Variants in ETV6 observed in about 807,000 individuals in gnomAD.
The protein encoded by ETV6 is transcription factor ETV6.
Under a neutral mutation model 51.1 loss-of-function variants are expected in ETV6, and 16 were observed. The observed-to-expected ratio is 0.31, with a 90% CI of 0.21 to 0.48. ETV6 has a LOEUF of 0.48. ETV6 is among the 20% of genes least tolerant of loss of function. ETV6 has a pLI of 0.99. For synonymous variants in ETV6, 240 were observed against 224.1 expected (o/e 1.07, Z -0.64); for missense variants, 458 against 594.8 (o/e 0.77, Z 2.39).
intron 2 of ETV6, among the ~76,000 whole-genome samples, chr12:11,754,582 C>T (rs1279306279): frequency 6.6e-6 from 1 of 152,202 alleles, no homozygotes; most frequent in Non-Finnish European, 1.5e-5. Flanking sequence ...TAACTCAGTT[C>T]TCCTAGCATA....
chr12:11,743,335 C>G (rs1217914695), intron 1 of ETV6, among the ~76,000 whole-genome samples: 1 of 152,188 alleles, frequency 6.6e-6, no homozygotes, highest in African/African-American at 2.4e-5. Context: ...ATTCATGAGG[C>G]TTTTCCTATT....
chr12:11,888,401 T>TTCTTTTC (rs1297824925), intron 7 of ETV6, among the ~76,000 whole-genome samples: 3 of 142,758 alleles, frequency 2.1e-5, no homozygotes, highest in Non-Finnish European at 3.1e-5. Flanking sequence ...TTCTTTTCTT[T>TTCTTTTC]TTTTTTTTTT....
intron 2 of ETV6, among the ~76,000 whole-genome samples, chr12:11,767,223 TCA>T (rs1945174618): frequency 6.6e-6 from 1 of 152,228 alleles, no homozygotes; most frequent in Admixed American, 6.5e-5. Context: ...CCTCCCAGCC[TCA>T]GTTTCCTTAT....
chr12:11,700,772 T>C (rs2954982), intron 1 of ETV6, among the ~76,000 whole-genome samples: 6 of 152,208 alleles, frequency 3.9e-5, no homozygotes, highest in African/African-American at 1.2e-4. Context: ...GGGCTTGGTC[T>C]TGCTGTCTCA....
chr12:11,693,204 C>T (rs371143137), intron 1 of ETV6, among the ~76,000 whole-genome samples: 1 of 152,010 alleles, frequency 6.6e-6, no homozygotes, highest in Non-Finnish European at 1.5e-5. Flanking sequence ...GCACATGGGG[C>T]GGACGATTTC....
rs1565573515 is a variant in ETV6, at chr12:11,893,837, TATATAC to T, written c.*2793_*2798del. On this transcript the variant is annotated 3_prime_UTR_variant, in exon 8 of 8. Transcript: ENST00000396373. ...ATATATATATATATATATATATATA[TATATAC>T]ACACACACACACATACACAAATATT... The T allele has an allele frequency of 0.012, 605 of 48,548 alleles. 30 individuals carry two copies. Among genetic ancestry groups the T allele is most frequent in the South Asian group, 0.018 (30 of 1,696 alleles). The allele number at this position is 48,548 out of a possible 1,614,324, so 3.0% of individuals were successfully genotyped here. A position where few individuals can be genotyped will look rare whatever the true frequency, so the allele number is the denominator to read the frequency against.
chr12:11,884,778 T>G (rs1443547944), intron 6 of ETV6, among the ~76,000 whole-genome samples, 191 bp downstream of exon 6: 1 of 152,216 alleles, frequency 6.6e-6, no homozygotes, highest in Non-Finnish European at 1.5e-5. Flanking sequence ...TGCCATTTGT[T>G]CCTGAGACCA....
At chr12:11,808,500 A>T (rs955995539) in intron 2 of ETV6, among the ~76,000 whole-genome samples, 2 of 152,166 alleles carry the variant, frequency 1.3e-5, no homozygotes, top group Non-Finnish European at 2.9e-5. Flanking sequence ...TCAGAATAGC[A>T]TATAACAACT....
At chr12:11,673,775 C>T (rs972061388) in intron 1 of ETV6, among the ~76,000 whole-genome samples, 13 of 152,196 alleles carry the variant, frequency 8.5e-5, no homozygotes, top group Non-Finnish European at 1.3e-4. Flanking sequence ...TTGATCTTGG[C>T]CAGATATTAT....
intron 5 of ETV6, among the ~76,000 whole-genome samples, chr12:11,873,318 C>G (rs80203053): frequency 6.6e-6 from 1 of 152,038 alleles, no homozygotes; most frequent in Non-Finnish European, 1.5e-5. Context: ...TTGAGGATAC[C>G]CCTGTGTGTA....
At chr12:11,739,823 T>C (rs906222725) in intron 1 of ETV6, among the ~76,000 whole-genome samples, 1 of 152,192 alleles carries the variant, frequency 6.6e-6, no homozygotes, top group Admixed American at 6.5e-5. Flanking sequence ...GGGCTCCCCT[T>C]ATATTTCTGT....
At chr12:11,797,172 C>T (rs1489566109) in intron 2 of ETV6, among the ~76,000 whole-genome samples, 1 of 152,136 alleles carries the variant, frequency 6.6e-6, no homozygotes, top group Non-Finnish European at 1.5e-5. Context: ...CATTTTGAGA[C>T]CATTCATTCT....
intron 2 of ETV6, among the ~76,000 whole-genome samples, chr12:11,775,843 A>G (rs1166718275): frequency 6.6e-6 from 1 of 152,164 alleles, no homozygotes; most frequent in Non-Finnish European, 1.5e-5. Flanking sequence ...AGTTATTACT[A>G]TTTTCCATAC....
chr12:11,734,160 A>T lies in ETV6; in HGVS notation c.34-18290A>T, dbSNP rs555727023. The stretch of plus-strand genomic sequence containing the variant: ...TTTTATTCTTATTTTCTCCCTGCTA[A>T]AAAACAGTTTGCAGAGGCACTTGAA... On this transcript the variant is annotated intron_variant, in intron 1 of 7. Coordinates refer to ENST00000396373, the MANE Select transcript of ETV6 (RefSeq NM_001987.5). 1.3e-3 allele frequency among the ~76,000 whole-genome samples: 201 copies of T among 152,314 alleles called. 1 individual carries two copies. The highest frequency in any genetic ancestry group is 3.4e-3 in the Middle Eastern group (1 of 294).
intron 1 of ETV6, among the ~76,000 whole-genome samples, chr12:11,709,770 G>A (rs774422338): frequency 5.9e-5 from 9 of 152,214 alleles, no homozygotes; most frequent in African/African-American, 2.2e-4. Context: ...GAATAGAACC[G>A]AAGAGGGAAT....
rs1182960950 is a variant in ETV6 at position 11,894,787 on chromosome 12, C to G, written c.*3741C>G. ...TGAAGTGACTTGCCCTAGGAGCAGA[C>G]AGCATGCCAAGAATGGAATTAGGCT... On this transcript the variant is annotated 3_prime_UTR_variant, in exon 8 of 8. Coordinates refer to ENST00000396373, the MANE Select transcript of ETV6 (RefSeq NM_001987.5). The G allele has an allele frequency of 1.3e-5, 3 of 233,358 alleles. No individual in the cohort carries two copies. The highest frequency in any genetic ancestry group is 4.4e-5 in the African/African-American group (2 of 45,340). 14.5% of individuals were successfully genotyped at this position (233,358 alleles called of 1,614,324 possible). A position where few individuals can be genotyped will look rare whatever the true frequency, so the allele number is the denominator to read the frequency against.
intron 1 of ETV6, among the ~76,000 whole-genome samples, chr12:11,671,198 G>A (rs1864307345): frequency 6.6e-6 from 1 of 152,176 alleles, no homozygotes; most frequent in African/African-American, 2.4e-5. Flanking sequence ...AGTTCTGGGA[G>A]CTTTTTGAGA....
At chr12:11,868,490 T>G (rs1262123910) in intron 4 of ETV6, among the ~76,000 whole-genome samples, 1 of 143,568 alleles carries the variant, frequency 7.0e-6, no homozygotes, top group Non-Finnish European at 1.5e-5. Flanking sequence ...CAGGCTGGAG[T>G]GCAATGGTGT....
At chr12:11,743,422 T>C (rs1477910673) in intron 1 of ETV6, among the ~76,000 whole-genome samples, 1 of 152,144 alleles carries the variant, frequency 6.6e-6, no homozygotes, top group Non-Finnish European at 1.5e-5. Context: ...TCAGTTTGAC[T>C]GTGGTCCTGG....
Sources: gnomAD v4.1 joint callset for allele counts (sites outside exome capture counted in the v4.1 genomes callset) on GRCh38, gnomAD v4.1.1 for gene constraint, MANE v1.5 for transcripts, NCBI Gene and HGNC (gene_info 2026-07-23, HGNC 2026-07-21) for gene names.